Variants in SRPK2 observed in about 807,000 individuals in gnomAD.
SRPK2 encodes the protein SRSF protein kinase 2.
A neutral mutation model predicts 90.8 loss-of-function variants in SRPK2; 21 were observed. That is an observed-to-expected ratio of 0.23 (90% confidence interval 0.16 to 0.33). The LOEUF is 0.33. SRPK2 is among the 10% of genes least tolerant of loss of function. SRPK2 has a pLI of 1.00. For synonymous variants in SRPK2, 288 were observed against 311.1 expected (o/e 0.93, Z 0.78); for missense variants, 620 against 869.0 (o/e 0.71, Z 3.60).
At chr7:105,291,741 G>A (rs1206993897) in intron 2 of SRPK2, among the ~76,000 whole-genome samples, 1 of 151,836 alleles carries the variant, frequency 6.6e-6, no homozygotes, top group African/African-American at 2.4e-5. Context: ...GGGGGAGGGG[G>A]TCTCAAATAA....
intron 15 of SRPK2, among the ~76,000 whole-genome samples, chr7:105,119,534 G>A (rs1207502783): frequency 6.6e-6 from 1 of 152,166 alleles, no homozygotes; most frequent in African/African-American, 2.4e-5. Context: ...TTGCTAAAGG[G>A]GCTGAGATGT....
At chr7:105,347,974 A>G (rs1277189503) in intron 2 of SRPK2, among the ~76,000 whole-genome samples, 1 of 151,238 alleles carries the variant, frequency 6.6e-6, no homozygotes, top group Non-Finnish European at 1.5e-5. Context: ...AAAATTGCAC[A>G]TTTCCTTGAA....
At chr7:105,254,627 C>T (rs1437722648) in intron 2 of SRPK2, among the ~76,000 whole-genome samples, 1 of 151,456 alleles carries the variant, frequency 6.6e-6, no homozygotes, top group Non-Finnish European at 1.5e-5. Context: ...CTGGATTGTA[C>T]GGTTGGTGAT....
At chr7:105,130,161 A>G (rs1801794086) in intron 13 of SRPK2, among the ~76,000 whole-genome samples, 1 of 152,250 alleles carries the variant, frequency 6.6e-6, no homozygotes, top group Admixed American at 6.5e-5. Context: ...CTCCAGCTGC[A>G]GAGCCTAAAG....
intron 2 of SRPK2, among the ~76,000 whole-genome samples, chr7:105,247,320 G>A (rs981873178): frequency 2.0e-5 from 3 of 152,110 alleles, no homozygotes; most frequent in African/African-American, 7.2e-5. Context: ...TTTTTCGTCT[G>A]TAAAATACAG....
chr7:105,285,891 A>G (rs553682466), intron 2 of SRPK2, among the ~76,000 whole-genome samples: 5 of 152,332 alleles, frequency 3.3e-5, no homozygotes, highest in Admixed American at 3.3e-4. Context: ...ATTCCGTTAT[A>G]GCAATGCAAG....
chr7:105,283,510 C>A (rs1383377675), intron 2 of SRPK2, among the ~76,000 whole-genome samples: 2 of 152,084 alleles, frequency 1.3e-5, no homozygotes, highest in Admixed American at 1.3e-4. Flanking sequence ...GTGAAAGAAG[C>A]CAGGCACATA....
At chr7:105,255,559 GATTA>G (rs1418897491) in intron 2 of SRPK2, among the ~76,000 whole-genome samples, 2 of 152,140 alleles carry the variant, frequency 1.3e-5, no homozygotes, top group African/African-American at 4.8e-5. Context: ...ACCATTTTCA[GATTA>G]TTTATAAAGC....
At chr7:105,325,707 G>A (rs866627270) in intron 2 of SRPK2, among the ~76,000 whole-genome samples, 7 of 152,068 alleles carry the variant, frequency 4.6e-5, no homozygotes, top group Non-Finnish European at 8.8e-5. Context: ...AATTAGTCAG[G>A]CACAGTAGCA....
At chr7:105,318,856 G>C (rs1812595103) in intron 2 of SRPK2, among the ~76,000 whole-genome samples, 1 of 152,172 alleles carries the variant, frequency 6.6e-6, no homozygotes, top group African/African-American at 2.4e-5. Flanking sequence ...CCTGGTAATA[G>C]CAGCGAGGTA....
chr7:105,291,051 A>G, intron 2 of SRPK2, among the ~76,000 whole-genome samples: 2 of 150,444 alleles, frequency 1.3e-5, no homozygotes, highest in Non-Finnish European at 3.0e-5. Context: ...TCTCAAAAAA[A>G]AAAAAAAAAA....
chr7:105,136,753 C>T (rs1802863529), intron 11 of SRPK2, among the ~76,000 whole-genome samples: 1 of 152,186 alleles, frequency 6.6e-6, no homozygotes, highest in African/African-American at 2.4e-5. Flanking sequence ...AGAATATCCC[C>T]TCTATATGGA....
At chr7:105,307,723 T>C (rs1447320601) in intron 2 of SRPK2, among the ~76,000 whole-genome samples, 2 of 152,242 alleles carry the variant, frequency 1.3e-5, no homozygotes, top group Non-Finnish European at 2.9e-5. Flanking sequence ...GGTGGGGTTT[T>C]TTCCCCCTTA....
intron 2 of SRPK2, among the ~76,000 whole-genome samples, chr7:105,272,487 A>G (rs1805952475): frequency 6.6e-6 from 1 of 152,180 alleles, no homozygotes; most frequent in Non-Finnish European, 1.5e-5. Flanking sequence ...ATAACATTAT[A>G]GGAGGACATA....
chr7:105,254,275 TA>T (rs2129632534), intron 2 of SRPK2, among the ~76,000 whole-genome samples: 1 of 152,354 alleles, frequency 6.6e-6, no homozygotes, highest in African/African-American at 2.4e-5. Flanking sequence ...CTATCTGGAA[TA>T]TTCTTCAATG....
At chr7:105,125,928 A>T in intron 15 of SRPK2, 1 of 966,170 alleles carries the variant, frequency 1.0e-6, no homozygotes, top group Non-Finnish European at 1.5e-6. Flanking sequence ...TTTAATCAGT[A>T]CACTGCATGC....
At position 105,116,843 on chromosome 7, in the gene SRPK2, A is replaced by G. The variant is rs1196675007; in HGVS notation, c.*995T>C. ...TTGAGCTGTGAGAAGTATTCTGCCC[A>G]CTGCACTGCAAATTGTATATACCAT... On this transcript the variant is annotated 3_prime_UTR_variant, in exon 16 of 16. Transcript: ENST00000393651. The G allele has an allele frequency of 6.6e-6, 1 of 152,220 alleles. No individual in the cohort carries two copies. Among genetic ancestry groups the G allele is most frequent in the East Asian group, 1.9e-4 (1 of 5,196 alleles). 9.4% of individuals were successfully genotyped at this position (152,220 alleles called of 1,614,324 possible).
intron 11 of SRPK2, among the ~76,000 whole-genome samples, chr7:105,141,725 T>C (rs1182202706): frequency 2.6e-5 from 4 of 152,226 alleles, no homozygotes; most frequent in Admixed American, 6.5e-5. Flanking sequence ...AAGGTGTAAG[T>C]TGCTAAAACT....
At chr7:105,189,608 C>CT (rs1267553421) in intron 3 of SRPK2, 1 of 152,358 alleles carries the variant, frequency 6.6e-6, no homozygotes, top group Non-Finnish European at 1.5e-5. Flanking sequence ...ACAGTCTCCA[C>CT]CAAAAATACA....
Sources: allele counts gnomAD v4.1 joint callset (sites outside exome capture counted in the v4.1 genomes callset), GRCh38; gene constraint gnomAD v4.1.1; transcripts MANE v1.5; gene names NCBI Gene and HGNC (gene_info 2026-07-23, HGNC 2026-07-21).